Variants in CCSER1 observed in about 807,000 individuals in gnomAD.
CCSER1 encodes coiled-coil serine rich protein 1.
CCSER1 carries 41 observed loss-of-function variants against 82.0 expected under a neutral mutation model. The ratio of observed to expected loss-of-function variants is 0.50; its 90% CI spans 0.39 to 0.65. CCSER1 has a LOEUF of 0.65. Among genes scored for constraint, CCSER1 ranks in the 30% least tolerant of loss-of-function variants. The pLI is 0.00. For missense variants in CCSER1, 1,119 were observed against 1,064.2 expected (o/e 1.05, Z -0.72); for synonymous variants, 414 against 383.9 (o/e 1.08, Z -0.92).
At chr4:90,144,788 A>G (rs1405936995) in intron 1 of CCSER1, among the ~76,000 whole-genome samples, 1 of 152,114 alleles carries the variant, frequency 6.6e-6, no homozygotes, top group African/African-American at 2.4e-5. Flanking sequence ...TTTTATGTAA[A>G]TTATTTTATT....
intron 5 of CCSER1, among the ~76,000 whole-genome samples, chr4:90,527,913 T>C (rs1325583707): frequency 6.6e-6 from 1 of 152,190 alleles, no homozygotes; most frequent in African/African-American, 2.4e-5. Flanking sequence ...ATACATACTA[T>C]TCCCCATTTA....
intron 6 of CCSER1, among the ~76,000 whole-genome samples, chr4:90,645,252 A>G (rs956047752): frequency 6.6e-6 from 1 of 152,128 alleles, no homozygotes; most frequent in African/African-American, 2.4e-5. Context: ...ATAGATACCT[A>G]CGTTTACCTA....
chr4:90,962,601 T>A (rs1254401680), intron 9 of CCSER1, among the ~76,000 whole-genome samples: 2 of 152,090 alleles, frequency 1.3e-5, no homozygotes, highest in African/African-American at 2.4e-5. Flanking sequence ...TATAACCATA[T>A]TACATGTGGA....
At chr4:91,329,072 T>G (rs1409177642) in intron 10 of CCSER1, among the ~76,000 whole-genome samples, 1 of 152,204 alleles carries the variant, frequency 6.6e-6, no homozygotes, top group African/African-American at 2.4e-5. Context: ...CTTTATAAAT[T>G]ACCCAGTCTC....
At chr4:91,163,775 A>G (rs1469666683) in intron 10 of CCSER1, among the ~76,000 whole-genome samples, 1 of 151,240 alleles carries the variant, frequency 6.6e-6, no homozygotes, top group African/African-American at 2.4e-5. Context: ...TTTGCTTTGC[A>G]TTTGCTTGGT....
chr4:91,083,400 G>C (rs1235204846), intron 9 of CCSER1, among the ~76,000 whole-genome samples: 1 of 152,036 alleles, frequency 6.6e-6, no homozygotes, highest in Non-Finnish European at 1.5e-5. Context: ...ATCACACACA[G>C]GAGCCTGCCG....
intron 8 of CCSER1, among the ~76,000 whole-genome samples, chr4:90,841,726 A>C (rs2149877073): frequency 6.6e-6 from 1 of 152,212 alleles, no homozygotes; most frequent in African/African-American, 2.4e-5. Context: ...GTAGACTTTC[A>C]AAAGCTAGGT....
intron 3 of CCSER1, among the ~76,000 whole-genome samples, chr4:90,365,802 G>GATAATCATAATCGATTATC (rs1746184139): frequency 6.6e-6 from 1 of 151,848 alleles, no homozygotes; most frequent in South Asian, 2.1e-4. Context: ...ATTCCTGCTT[G>GATAATCATAATCGATTATC]ATAATCATAA....
At chr4:90,632,473 T>G (rs1724634652) in intron 6 of CCSER1, among the ~76,000 whole-genome samples, 2 of 151,816 alleles carry the variant, frequency 1.3e-5, no homozygotes, top group Admixed American at 1.3e-4. Flanking sequence ...TATTTTATAA[T>G]ATATAATATA....
At chr4:90,801,221 T>A (rs1756763261) in intron 7 of CCSER1, among the ~76,000 whole-genome samples, 1 of 152,178 alleles carries the variant, frequency 6.6e-6, no homozygotes, top group African/African-American at 2.4e-5. Context: ...ATGAACACTT[T>A]CTTGGTATTA....
intron 10 of CCSER1, among the ~76,000 whole-genome samples, chr4:91,552,511 G>A (rs1283913668): frequency 2.0e-5 from 3 of 151,568 alleles, no homozygotes; most frequent in Non-Finnish European, 4.4e-5. Flanking sequence ...AGGATGGGTG[G>A]TATGCTTCTT....
chr4:90,931,269 A>T (rs1561381431), intron 9 of CCSER1, among the ~76,000 whole-genome samples: 1 of 151,792 alleles, frequency 6.6e-6, no homozygotes, highest in Non-Finnish European at 1.5e-5. Context: ...AATTAGATGC[A>T]TTCTTTAATT....
chr4:91,106,529 T>A (rs911673580), intron 10 of CCSER1, among the ~76,000 whole-genome samples: 3 of 152,214 alleles, frequency 2.0e-5, no homozygotes, highest in African/African-American at 7.2e-5. Context: ...CTCTTTCCCA[T>A]GGTCTGTCTA....
At position 91,085,978 on chromosome 4, in the gene CCSER1, T is replaced by C. The variant is rs76504638; in HGVS notation, c.2201T>C (p.Val734Ala). 6.6e-3 allele frequency: 10,153 copies of C among 1,530,120 alleles called. 129 individuals are homozygous for C. The highest frequency in any genetic ancestry group is 0.056 in the African/African-American group (4,063 of 72,488). The allele number at this position is 1,530,120 out of a possible 1,614,324, so 94.8% of individuals were successfully genotyped here. A position where few individuals can be genotyped will look rare whatever the true frequency, so the allele number is the denominator to read the frequency against. ...DGLNLKRLET[V>A]QGGREATYRN... The stretch of plus-strand genomic sequence containing the variant: ...TTAAACTTGAAAAGACTAGAGACAG[T>C]ACAAGGAGGGAGAGAGGTAAGAATG... The change falls in exon 10 of 11, where the codon GTA (valine) becomes GCA (alanine). Residue 734 changes from valine to alanine, a missense_variant. By Grantham distance (64) the Val-to-Ala change is moderately conservative (BLOSUM62 0). Coordinates refer to ENST00000509176, the MANE Select transcript of CCSER1 (RefSeq NM_001145065.2).
intron 6 of CCSER1, among the ~76,000 whole-genome samples, chr4:90,674,607 A>G (rs1296482840): frequency 1.3e-5 from 2 of 151,926 alleles, no homozygotes; most frequent in East Asian, 3.9e-4. Flanking sequence ...TTAAAAATAT[A>G]TATACATATA....
intron 5 of CCSER1, among the ~76,000 whole-genome samples, chr4:90,605,001 C>T (rs944875158): frequency 3.7e-5 from 4 of 107,824 alleles, no homozygotes; most frequent in African/African-American, 7.8e-5. Context: ...TGAGTGAGCT[C>T]CGCTTCCACG....
At chr4:91,289,768 A>G (rs1038687854) in intron 10 of CCSER1, among the ~76,000 whole-genome samples, 1 of 151,982 alleles carries the variant, frequency 6.6e-6, no homozygotes, top group African/African-American at 2.4e-5. Flanking sequence ...TGAAATCCCA[A>G]TGGAAGAAGA....
chr4:90,197,837 A>G (rs536594966), intron 1 of CCSER1, among the ~76,000 whole-genome samples: 1 of 152,174 alleles, frequency 6.6e-6, no homozygotes, highest in South Asian at 2.1e-4. Flanking sequence ...ACAAAAAAAA[A>G]AATAGAATGA....
intron 7 of CCSER1, among the ~76,000 whole-genome samples, chr4:90,800,679 A>G (rs944655761): frequency 6.6e-6 from 1 of 152,158 alleles, no homozygotes; most frequent in Non-Finnish European, 1.5e-5. Context: ...AAGTTTGTAA[A>G]GCGACTTATG....
Sources: allele counts gnomAD v4.1 joint callset (sites outside exome capture counted in the v4.1 genomes callset), GRCh38; gene constraint gnomAD v4.1.1; transcripts MANE v1.5; gene names NCBI Gene and HGNC (gene_info 2026-07-23, HGNC 2026-07-21).